The following ZNF284 variants were observed in gnomAD, a reference collection of about 807,000 sequenced individuals.
The protein encoded by ZNF284 is zinc finger protein 284.
A neutral mutation model predicts 12.9 loss-of-function variants in ZNF284; 12 were observed. The observed-to-expected ratio is 0.93, with a 90% confidence interval of 0.60 to 1.51. The LOEUF is 1.51. Among genes scored for constraint, ZNF284 ranks in the 40% most tolerant of loss-of-function variants. The probability of loss-of-function intolerance (pLI) is 0.00; values close to 1 mark genes in which losing one functional copy is unlikely to be tolerated. For synonymous variants in ZNF284, 225 were observed against 236.5 expected, an observed-to-expected ratio of 0.95 and a Z score of 0.45; for missense variants, 667 against 707.3, an observed-to-expected ratio of 0.94 and a Z score of 0.65.
intron 2 of ZNF284, among the ~76,000 whole-genome samples, chr19:44,080,386 C>T (rs1441776617): frequency 6.6e-6 from 1 of 152,096 alleles, no homozygotes; most frequent in South Asian, 2.1e-4. Flanking sequence ...CGCCTGAGGT[C>T]GGGAGTTCGT....
In ZNF284 at chr19:44,087,276, A is replaced by G. The variant is rs768155443; in HGVS notation, c.*16A>G. 6 of 1,488,200 alleles carry G rather than the reference A, an allele frequency of 4.0e-6. No individual in the cohort carries two copies. The highest frequency in any genetic ancestry group is 2.2e-5 in the Admixed American group (1 of 45,190). 92.2% of individuals were successfully genotyped at this position (1,488,200 alleles called of 1,614,324 possible). Reference sequence around the variant, plus strand: ...TGATATATAATTATTGTCCATATTTATGGGTTACAGCATATTTCAATACAT... The same window carrying G: ...TGATATATAATTATTGTCCATATTTGTGGGTTACAGCATATTTCAATACAT... On this transcript the variant is annotated 3_prime_UTR_variant, in exon 5 of 5. Coordinates refer to ENST00000421176, the MANE Select transcript of ZNF284 (RefSeq NM_001037813.4).
intron 1 of ZNF284, among the ~76,000 whole-genome samples, chr19:44,073,593 G>A (rs1190229157): frequency 6.6e-6 from 1 of 151,046 alleles, no homozygotes; most frequent in African/African-American, 2.4e-5. Context: ...GCCCAGGCTG[G>A]AGTGCAGTGG....
chr19:44,072,492 T>C (rs1966960954), intron 1 of ZNF284, among the ~76,000 whole-genome samples: 1 of 152,154 alleles, frequency 6.6e-6, no homozygotes, highest in African/African-American at 2.4e-5. Context: ...TTTCTCACAA[T>C]TTAGGGTTGG....
At chr19:44,083,205 C>T (rs1333643910) in intron 4 of ZNF284, among the ~76,000 whole-genome samples, 1 of 151,894 alleles carries the variant, frequency 6.6e-6, no homozygotes, top group Non-Finnish European at 1.5e-5. Flanking sequence ...GAGGCTGAGG[C>T]AGGCAGATAG....
rs368327147 is a variant in ZNF284, at chr19:44,086,059, A to C, written c.581A>C (p.Gln194Pro). 3.0e-5 allele frequency: 49 copies of C among 1,614,096 alleles called. No homozygotes were observed. The highest frequency in any genetic ancestry group is 3.9e-5 in the Non-Finnish European group (46 of 1,180,042). Residue 194 changes from glutamine (Q) to proline (P), a missense_variant, in exon 5 of 5, where the codon CAG (glutamine) becomes CCG (proline). Physicochemically the swap from Gln to Pro is moderately conservative, Grantham distance 76. Coordinates refer to ENST00000421176, the MANE Select transcript of ZNF284 (RefSeq NM_001037813.4). ...TATAGCTCAGCTCTTTGTCTTCATC[A>C]GAAAGTTCACATGGGAGAGAAACGC... ...FCYSSALCLH[Q>P]KVHMGEKRYK...
chr19:44,088,820 C>CTT lies in ZNF284; in HGVS notation c.*1574_*1575dup, dbSNP rs60706930. On this transcript the variant is annotated 3_prime_UTR_variant, in exon 5 of 5. Coordinates refer to ENST00000421176, the MANE Select transcript of ZNF284 (RefSeq NM_001037813.4). ...CTGACCATTATTAGGCAAGAATTGG[C>CTT]TTTTTTTTTTTTTTTCTTTTGAGAC... 3.9e-3 allele frequency: 554 copies of CTT among 141,652 alleles called. 5 individuals carry two copies. Among genetic ancestry groups the CTT allele is most frequent in the Middle Eastern group, 0.011 (3 of 268 alleles). The allele number at this position is 141,652 out of a possible 1,614,324, so 8.8% of individuals were successfully genotyped here.
intron 2 of ZNF284, among the ~76,000 whole-genome samples, chr19:44,078,558 G>GGGTCC (rs1358314972): frequency 6.6e-6 from 1 of 152,036 alleles, no homozygotes; most frequent in African/African-American, 2.4e-5. Context: ...TGAACCCCTG[G>GGGTCC]GGTCCAGATC....
chr19:44,083,745 C>A (rs1181210897), intron 4 of ZNF284, among the ~76,000 whole-genome samples: 2 of 151,622 alleles, frequency 1.3e-5, no homozygotes, highest in African/African-American at 4.8e-5. Flanking sequence ...AGCATAGTAC[C>A]CAATAGTGGT....
Position 44,086,556 on chromosome 19 carries a change from A to G in ZNF284, c.1078A>G (p.Lys360Glu). ...CTTCACTTGTAGGCAAGATCTTTGTAAGCATCAGATGGACCATACAGGAGA... is the reference window on the plus strand; with the variant it reads ...CTTCACTTGTAGGCAAGATCTTTGTGAGCATCAGATGGACCATACAGGAGA... ...RSFTCRQDLC[K>E]HQMDHTGDKP... is the part of the protein sequence containing the mutation. The change falls in exon 5 of 5, where the codon AAG becomes GAG. Residue 360 changes from lysine to glutamate, a missense_variant. By Grantham distance (56) the Lys-to-Glu change is moderately conservative (BLOSUM62 1). Transcript: ENST00000421176. 1 of 1,614,214 alleles carries G rather than the reference A, an allele frequency of 6.2e-7. No homozygotes were observed. Among genetic ancestry groups the G allele is most frequent in the Non-Finnish European group, 8.5e-7 (1 of 1,180,036 alleles).
At chr19:44,081,283 G>T in intron 3 of ZNF284, 142 bp downstream of exon 3, 7 of 1,146,730 alleles carry the variant, frequency 6.1e-6, no homozygotes, top group Admixed American at 2.8e-5. Context: ...ACATTTCATT[G>T]ACTCACAGTT....
chr19:44,086,953 T>G lies in ZNF284; in HGVS notation c.1475T>G (p.Phe492Cys), dbSNP rs746194522. The change falls in exon 5 of 5, where the codon TTT becomes TGT. Residue 492 changes from phenylalanine to cysteine, a missense_variant. Phe to Cys is a radical substitution (Grantham distance 205, BLOSUM62 -2). Coordinates refer to ENST00000421176, the MANE Select transcript of ZNF284 (RefSeq NM_001037813.4). ...PFKCEECGKR[F>C]TENSKLRFHQ... ...AAATGTGAAGAGTGTGGGAAGAGGT[T>G]TACTGAGAATTCAAAACTTCGTTTC... 3 of 1,614,108 alleles carry G rather than the reference T, an allele frequency of 1.9e-6. No individual in the cohort carries two copies. Among genetic ancestry groups the G allele is most frequent in the Non-Finnish European group, 1.7e-6 (2 of 1,180,016 alleles).
In ZNF284 at chr19:44,081,092, G is replaced by A; in HGVS notation, c.93G>A (p.Lys31=). 6.2e-7 allele frequency: 1 copy of A among 1,613,216 alleles called. No homozygotes were observed. The highest frequency in any genetic ancestry group is 8.5e-7 in the Non-Finnish European group (1 of 1,179,444). ...ELGLLDVSQR[K]LYRDVMLENF... is the part of the protein sequence containing the mutation. ...GGCTGCTGGACGTTTCCCAGAGGAAGCTGTATCGAGATGTCATGCTGGAGA... is the reference window on the plus strand; with the variant it reads ...GGCTGCTGGACGTTTCCCAGAGGAAACTGTATCGAGATGTCATGCTGGAGA... The change falls in exon 3 of 5, where the codon AAG becomes AAA. Residue 31 remains lysine, a synonymous_variant. Transcript: ENST00000421176.
In ZNF284 at chr19:44,086,195, T is replaced by C; in HGVS notation, c.717T>C (p.Ser239=). Residue 239 remains serine (S), a synonymous_variant, in exon 5 of 5, where the codon AGT becomes AGC. Transcript: ENST00000421176. ...TCAAATGTGAGCAGTGTGGGAAAAG[T>C]TTCAGCCGTAGATCAGGAATGTATG... is the stretch of plus-strand genomic sequence containing the variant. ...KPFKCEQCGK[S]FSRRSGMYVH... is the part of the protein sequence containing the mutation. 2 of 1,614,026 alleles carry C rather than the reference T, an allele frequency of 1.2e-6. No homozygotes were observed. The highest frequency in any genetic ancestry group is 1.7e-6 in the Non-Finnish European group (2 of 1,179,996).
rs753702226 is a variant in ZNF284 at position 44,083,254 on chromosome 19, G to A, written c.235+1149G>A. On this transcript the variant is annotated intron_variant, in intron 4 of 4. Coordinates refer to ENST00000421176, the MANE Select transcript of ZNF284 (RefSeq NM_001037813.4). ...GTTTGAGACCAGCCTGGCCAGCATG[G>A]CAAAACCTGACTCTACTAAAAATAT... 2.9e-4 allele frequency among the ~76,000 whole-genome samples: 44 copies of A among 151,684 alleles called. 1 individual carries two copies. Among genetic ancestry groups the A allele is most frequent in the Middle Eastern group, 6.8e-3 (2 of 294 alleles).
intron 2 of ZNF284, among the ~76,000 whole-genome samples, chr19:44,078,495 G>C (rs1243222472): frequency 2.6e-5 from 4 of 152,144 alleles, no homozygotes; most frequent in Non-Finnish European, 4.4e-5. Context: ...ACAGAGTTTT[G>C]CTCTGTTGCC....
chr19:44,081,224 T>C (rs954479444), intron 3 of ZNF284, 83 bp downstream of exon 3: 4 of 1,469,332 alleles, frequency 2.7e-6, no homozygotes, highest in African/African-American at 2.8e-5. Context: ...AGTTTGTTCT[T>C]ATGCTGCTAT....
rs1337569674 is a variant in ZNF284, at chr19:44,076,384, G to A, written c.-6G>A. ...ACTCTGCAAATTCCCCAAAGAAGGA[G>A]GAAAAATGACCATGTTCAAGGTGAG... is the stretch of plus-strand genomic sequence containing the variant. On this transcript the variant is annotated 5_prime_UTR_variant, in exon 2 of 5. Coordinates refer to ENST00000421176, the MANE Select transcript of ZNF284 (RefSeq NM_001037813.4). The A allele has an allele frequency of 1.9e-6, 3 of 1,609,678 alleles. No individual in the cohort carries two copies. In the Admixed American group the frequency reaches 5.0e-5, roughly 27 times the overall value.
At chr19:44,080,897 C>G (rs1316157245) in intron 2 of ZNF284, 118 bp from the exon 3 acceptor site, 1 of 1,305,748 alleles carries the variant, frequency 7.7e-7, no homozygotes, top group African/African-American at 1.5e-5. Flanking sequence ...TGTATGTTGA[C>G]CTACATCTTT....
intron 3 of ZNF284, 87 bp downstream of exon 3, chr19:44,081,228 C>G: frequency 6.9e-7 from 1 of 1,456,772 alleles, no homozygotes; most frequent in Non-Finnish European, 9.2e-7. Flanking sequence ...TGTTCTTATG[C>G]TGCTATGAAG....
Sources: allele counts gnomAD v4.1 joint callset (sites outside exome capture counted in the v4.1 genomes callset), GRCh38; gene constraint gnomAD v4.1.1; transcripts MANE v1.5; gene names NCBI Gene and HGNC (gene_info 2026-07-23, HGNC 2026-07-21).